LAMB1: variants seen among roughly 807,000 people sequenced by gnomAD.
LAMB1 encodes the protein laminin subunit beta 1.
In LAMB1, 121 loss-of-function variants were observed where a neutral mutation model predicts 222.3. That is an observed-to-expected ratio of 0.54 (90% CI 0.47 to 0.63). The LOEUF (loss-of-function observed/expected upper bound fraction) is 0.63. Ranked by LOEUF, LAMB1 falls within the 30% of genes least tolerant of loss-of-function variation. The pLI, the probability that LAMB1 is intolerant of heterozygous loss-of-function variation, is 0.00. For synonymous variants in LAMB1, 794 were observed against 807.2 expected, an observed-to-expected ratio of 0.98 and a Z score of 0.28; for missense variants, 2,172 against 2,240.8, an observed-to-expected ratio of 0.97 and a Z score of 0.62.
At position 107,931,476 on chromosome 7, in the gene LAMB1, C is replaced by T. The variant is rs776716647; in HGVS notation, c.4417G>A (p.Asp1473Asn). The T allele has an allele frequency of 1.7e-5, 28 of 1,613,554 alleles. No homozygotes were observed. The highest frequency in any genetic ancestry group is 2.4e-5 in the Non-Finnish European group (28 of 1,179,888). The change falls in exon 29 of 34, where the codon GAT becomes AAT. Residue 1473 changes from aspartate (D) to asparagine (N), a missense_variant. Transcript: ENST00000222399. ...KMVSEAKLRA[D>N]EAKQSAEDIL... Reference sequence around the variant, plus strand: ...TCTTCAGCACTTTGTTTTGCCTCATCTGCCCTCAGTTTTGCTTCAGAGACC... The same window carrying T: ...TCTTCAGCACTTTGTTTTGCCTCATTTGCCCTCAGTTTTGCTTCAGAGACC...
At chr7:107,941,655 A>ATTT (rs35218754) in intron 24 of LAMB1, among the ~76,000 whole-genome samples, 2 of 143,558 alleles carry the variant, frequency 1.4e-5, no homozygotes, top group African/African-American at 5.2e-5. Flanking sequence ...GCTTTCTCGG[A>ATTT]TTTTTTTTTT....
chr7:107,960,770 T>G, intron 17 of LAMB1, 121 bp from the exon 18 acceptor site: 1 of 753,798 alleles, frequency 1.3e-6, no homozygotes, highest in Non-Finnish European at 2.2e-6. Flanking sequence ...ATCATTAGAC[T>G]CATTAAATAA....
At position 107,980,649 on chromosome 7, in the gene LAMB1, C is replaced by T; in HGVS notation, c.839G>A (p.Cys280Tyr). ...TTCATTGAATCCATCCACAGGGGCA[C>T]ATTCGCTGGCATGACCATAGCAGAA... ...NCFCYGHASECAPVDGFNEEV... is the reference protein window; with the variant it reads ...NCFCYGHASEYAPVDGFNEEV... Residue 280 changes from cysteine (C) to tyrosine (Y), a missense_variant, in exon 8 of 34, where the codon TGT (cysteine) becomes TAT (tyrosine). Cys to Tyr is a radical substitution (Grantham distance 194). Transcript: ENST00000222399. 1.2e-6 allele frequency: 2 copies of T among 1,614,134 alleles called. No homozygotes were observed. The highest frequency in any genetic ancestry group is 1.7e-6 in the Non-Finnish European group (2 of 1,180,020).
chr7:107,982,726 C>T (rs1016345406), intron 7 of LAMB1, among the ~76,000 whole-genome samples: 3 of 152,156 alleles, frequency 2.0e-5, no homozygotes, highest in South Asian at 2.1e-4. Context: ...ATTTAAAAAG[C>T]GAGCCTCATC....
Position 107,966,296 on chromosome 7 carries a change from C to T in LAMB1, c.1563-1609G>A, listed in dbSNP as rs184239294. 1.1e-3 allele frequency among the ~76,000 whole-genome samples: 165 copies of T among 151,844 alleles called. 1 individual carries two copies. The highest frequency in any genetic ancestry group is 3.7e-3 in the African/African-American group (153 of 41,424). On this transcript the variant is annotated intron_variant, in intron 13 of 33. Coordinates refer to ENST00000222399, the MANE Select transcript of LAMB1 (RefSeq NM_002291.3). ...AACGATCTCGGTTCACTGCAACCTC[C>T]GCCTCTTGGGTTCAAGCGATTCTCC...
chr7:107,975,436 G>C (rs771489594), intron 10 of LAMB1, 23 bp from the exon 11 acceptor site: 1 of 1,581,168 alleles, frequency 6.3e-7, no homozygotes, highest in Non-Finnish European at 8.6e-7. Context: ...CAAAGCACCA[G>C]GTTAAAATCA....
In LAMB1 at chr7:107,955,466, C is replaced by T. The variant is rs2033354215; in HGVS notation, c.2854+1G>A. The T allele has an allele frequency of 6.2e-7, 1 of 1,612,044 alleles. No homozygotes were observed. Among genetic ancestry groups the T allele is most frequent in the Non-Finnish European group, 8.5e-7 (1 of 1,178,850 alleles). ...CCTCCCAAAGTATGCACACGACTTA[C>T]CAATGTATCCAGGATCACAAACACA... On this transcript the variant is annotated splice_donor_variant, in intron 21 of 33. Transcript: ENST00000222399. LOFTEE classifies it high-confidence loss of function.
intron 13 of LAMB1, among the ~76,000 whole-genome samples, chr7:107,969,451 C>G (rs1437192249): frequency 6.6e-6 from 1 of 152,048 alleles, no homozygotes; most frequent in Admixed American, 6.6e-5. Flanking sequence ...TCATAATAAC[C>G]AACCACAGTG....
rs1179063242 is a variant in LAMB1 at position 107,953,781 on chromosome 7, G to A, written c.2855-27C>T. On this transcript the variant is annotated intron_variant, in intron 21 of 33. Coordinates refer to ENST00000222399, the MANE Select transcript of LAMB1 (RefSeq NM_002291.3). ...TGTCACCCGATAAAACCAAACACAAGATGTTTAGCTTATTGACTGAAAGCT... is the reference window on the plus strand; with the variant it reads ...TGTCACCCGATAAAACCAAACACAAAATGTTTAGCTTATTGACTGAAAGCT... 3 of 1,599,700 alleles carry A rather than the reference G, an allele frequency of 1.9e-6. No individual in the cohort carries two copies. In the South Asian group the frequency reaches 3.3e-5, roughly 18 times the overall value.
At chr7:107,991,157 G>A (rs1280050925) in intron 5 of LAMB1, among the ~76,000 whole-genome samples, 1 of 152,002 alleles carries the variant, frequency 6.6e-6, no homozygotes, top group Non-Finnish European at 1.5e-5. Flanking sequence ...TAACATGATA[G>A]CAGCAGTTAT....
intron 13 of LAMB1, among the ~76,000 whole-genome samples, chr7:107,966,111 A>G (rs558040726): frequency 6.6e-5 from 10 of 152,080 alleles, no homozygotes; most frequent in Non-Finnish European, 1.5e-4. Context: ...ATAAATAAAT[A>G]AATAAATAAA....
chr7:107,953,491 G>A (rs902810784), intron 22 of LAMB1, 39 bp downstream of exon 22: 1 of 1,396,424 alleles, frequency 7.2e-7, no homozygotes, highest in Non-Finnish European at 1.0e-6. Flanking sequence ...AAAGGTGGAA[G>A]TCATTCTAAG....
In LAMB1 at chr7:107,929,405, T is replaced by C. The variant is rs2032651552; in HGVS notation, c.4745+7A>G. ...ATAAGCCCCTTAGATGCCATGTCTT[T>C]AGATACCTTGCTCTTTTAGCTTCTT... On this transcript the variant is annotated splice_region_variant and intron_variant, in intron 30 of 33. Coordinates refer to ENST00000222399, the MANE Select transcript of LAMB1 (RefSeq NM_002291.3). 6.2e-7 allele frequency: 1 copy of C among 1,612,220 alleles called. No individual in the cohort carries two copies. Among genetic ancestry groups the C allele is most frequent in the Non-Finnish European group, 8.5e-7 (1 of 1,178,324 alleles).
At chr7:107,973,223 G>A (rs1562997705) in intron 12 of LAMB1, 152 bp from the exon 13 acceptor site, 2 of 693,318 alleles carry the variant, frequency 2.9e-6, no homozygotes, top group African/African-American at 3.5e-5. Flanking sequence ...GGAGTATTCT[G>A]AAATCAAGAA....
chr7:107,930,459 C>A (rs2032678390), intron 29 of LAMB1, among the ~76,000 whole-genome samples: 1 of 152,154 alleles, frequency 6.6e-6, no homozygotes, highest in South Asian at 2.1e-4. Flanking sequence ...TTCTTGCTAA[C>A]AGAATACTGA....
At chr7:107,953,794 T>C (rs2033313961) in intron 21 of LAMB1, 40 bp from the exon 22 acceptor site, 7 of 1,574,596 alleles carry the variant, frequency 4.4e-6, no homozygotes, top group African/African-American at 1.3e-5. Flanking sequence ...GTTTAGCTTA[T>C]TGACTGAAAG....
Position 107,975,866 on chromosome 7 carries a change from T to C in LAMB1, c.1012A>G (p.Asn338Asp). 6.2e-7 allele frequency: 1 copy of C among 1,613,900 alleles called. No individual in the cohort carries two copies. Reference sequence around the variant, plus strand: ...AAGTGACAAGAGATGGAATGTTCATTGCAGTTACATTCTGCGTGACAAGAG... The same window carrying C: ...AAGTGACAAGAGATGGAATGTTCATCGCAGTTACATTCTGCGTGACAAGAG... The part of the protein sequence containing the change: ...NSNACKKCNC[N>D]EHSISCHFDM... Residue 338 changes from asparagine to aspartate, a missense_variant, in exon 10 of 34, where the codon AAT (asparagine) becomes GAT (aspartate). Transcript: ENST00000222399.
intron 4 of LAMB1, among the ~76,000 whole-genome samples, chr7:107,997,252 C>T (rs1311985223): frequency 1.3e-5 from 2 of 151,984 alleles, no homozygotes; most frequent in African/African-American, 4.8e-5. Context: ...TGAAACCCCA[C>T]CTCTACTAAA....
chr7:107,970,978 C>T (rs1302903622), intron 13 of LAMB1, among the ~76,000 whole-genome samples: 3 of 152,226 alleles, frequency 2.0e-5, no homozygotes, highest in African/African-American at 4.8e-5. Flanking sequence ...GGTGATCTGG[C>T]GCGCCGGCCT....
Sources: allele counts gnomAD v4.1 joint callset (sites outside exome capture counted in the v4.1 genomes callset), GRCh38; gene constraint gnomAD v4.1.1; transcripts MANE v1.5; gene names NCBI Gene and HGNC (gene_info 2026-07-23, HGNC 2026-07-21).